The following CDCA5 variants were observed in gnomAD, a reference collection of about 807,000 sequenced individuals.
The protein encoded by CDCA5 is cell division cycle associated 5, also known as sororin.
Under a neutral mutation model 25.7 loss-of-function variants are expected in CDCA5, and 14 were observed. The observed-to-expected ratio is 0.54, with a 90% CI of 0.36 to 0.85. The LOEUF is 0.85. Among genes scored for constraint, CDCA5 ranks in the 40% least tolerant of loss-of-function variants. The pLI is 0.01. For missense variants in CDCA5, 307 were observed against 324.5 expected, an observed-to-expected ratio of 0.95 and a Z score of 0.41; for synonymous variants, 127 against 128.7, an observed-to-expected ratio of 0.99 and a Z score of 0.09.
At chr11:65,077,350 C>T, downstream of CDCA5, 1 of 477,916 alleles carries the variant, frequency 2.1e-6, no homozygotes, top group Non-Finnish European at 2.7e-6. Flanking sequence ...GGAAGCGGGG[C>T]TGGGAGCGCC....
intron 4 of CDCA5, 44 bp downstream of exon 4, chr11:65,083,320 G>A: frequency 6.2e-7 from 1 of 1,610,966 alleles, no homozygotes; most frequent in Non-Finnish European, 8.5e-7. Context: ...CAGCTCTAGA[G>A]TGACCCAGAT....
intron 4 of CDCA5, among the ~76,000 whole-genome samples, chr11:65,080,941 T>A (rs1187058047): frequency 6.6e-6 from 1 of 152,146 alleles, no homozygotes; most frequent in Non-Finnish European, 1.5e-5. Flanking sequence ...GGTCAATACA[T>A]CCCTCACTGA....
At chr11:65,074,738 CAAAAAAAAAAA>C (rs141129265), downstream of CDCA5, among the ~76,000 whole-genome samples, 5 of 38,010 alleles carry the variant, frequency 1.3e-4, no homozygotes, top group East Asian at 1.5e-3. Flanking sequence ...GACCTTGTCT[CAAAAAAAAAAA>C]AAAAAAAAAA....
Position 65,079,179 on chromosome 11 carries a change from C to A in CDCA5, c.687G>T (p.Glu229Asp). Residue 229 changes from glutamate to aspartate, a missense_variant, in exon 6 of 6, where the codon GAG becomes GAT. Glu to Asp is a conservative substitution (Grantham distance 45). Transcript: ENST00000275517. ...KKKMPEILKTELDEWAAAMNA... is the reference protein window; with the variant it reads ...KKKMPEILKTDLDEWAAAMNA... ...TCATGGCCGCAGCCCACTCATCCAG[C>A]TCCGTTTTCTGAGGGAAGAGAAATG... The A allele has an allele frequency of 6.6e-7, 1 of 1,524,716 alleles. No individual in the cohort carries two copies. The highest frequency in any genetic ancestry group is 2.3e-5 in the East Asian group (1 of 44,112). 94.4% of individuals were successfully genotyped at this position (1,524,716 alleles called of 1,614,324 possible).
intron 1 of CDCA5, among the ~76,000 whole-genome samples, chr11:65,070,884 C>T (rs1450639113): frequency 1.3e-5 from 2 of 151,534 alleles, no homozygotes; most frequent in African/African-American, 4.9e-5. Flanking sequence ...ATCCAGAATC[C>T]AAAATGCTAC....
chr11:65,062,792 G>C (rs149410117), downstream of CDCA5, among the ~76,000 whole-genome samples: 1,040 of 152,180 alleles, frequency 6.8e-3, 13 homozygotes, highest in African/African-American at 0.024. Context: ...AAATAAAATT[G>C]CATTCCTCCC....
rs746580955 is a variant in CDCA5, at chr11:65,083,962, G to C, written c.17C>G (p.Thr6Arg). 1.3e-6 allele frequency: 2 copies of C among 1,565,794 alleles called. No individual in the cohort carries two copies. Among genetic ancestry groups the C allele is most frequent in the African/African-American group, 3.2e-5 (2 of 63,416 alleles). The change falls in exon 1 of 6, where the codon ACG becomes AGG. Residue 6 changes from threonine to arginine, a missense_variant. Thr to Arg is a moderately conservative substitution (Grantham distance 71, BLOSUM62 -1). Coordinates refer to ENST00000275517, the MANE Select transcript of CDCA5 (RefSeq NM_080668.4). The part of the protein sequence containing the change: MSGRR[T>R]RSGGAAQRSG... ...GCGCTGAGCGGCTCCTCCGGACCGC[G>C]TTCGCCTCCCAGACATAACTTAGGC... is the stretch of plus-strand genomic sequence containing the variant.
rs1358558055 is a variant in CDCA5, at chr11:65,079,457, G to A, written c.574C>T (p.Pro192Ser). 6.2e-7 allele frequency: 1 copy of A among 1,614,094 alleles called. No homozygotes were observed. The highest frequency in any genetic ancestry group is 8.5e-7 in the Non-Finnish European group (1 of 1,180,002). Reference sequence around the variant, plus strand: ...GCCCAGGGCTTTGCACAAACCCTGGGGACCTCGGTGAGTTTGGAGCACACC... The same window carrying A: ...GCCCAGGGCTTTGCACAAACCCTGGAGACCTCGGTGAGTTTGGAGCACACC... ...PVVCSKLTEVPRVCAKPWAPD... is the reference protein window; with the variant it reads ...PVVCSKLTEVSRVCAKPWAPD... The change falls in exon 5 of 6, where the codon CCC becomes TCC. Residue 192 changes from proline (P) to serine (S), a missense_variant. Transcript: ENST00000275517.
rs192980503 is a variant in CDCA5, at chr11:65,067,573, G to C, written c.368+82C>G. 2.1e-3 allele frequency: 1,663 copies of C among 804,924 alleles called. 26 individuals are homozygous for C. In the African/African-American group the frequency reaches 0.027, roughly 13 times the overall value. The allele number at this position is 804,924 out of a possible 1,614,324, so 49.9% of individuals were successfully genotyped here. A position where few individuals can be genotyped will look rare whatever the true frequency, so the allele number is the denominator to read the frequency against. The stretch of plus-strand genomic sequence containing the variant: ...GAATGCCCGTTCACCAGCCACGTGG[G>C]CCCTGACCTGAAAGCCAGGCCTGGC... On this transcript the variant is annotated intron_variant, in intron 4 of 6. Transcript: ENST00000525464.
Position 65,077,733 on chromosome 11 carries a change from G to A in CDCA5, c.*1374C>T. On this transcript the variant is annotated 3_prime_UTR_variant, in exon 6 of 6. Transcript: ENST00000275517. ...CAGGTCTGACAAACCACAGAGCGTTGAGCAGATGGCCTGGGACTCCCAGAC... is the reference window on the plus strand; with the variant it reads ...CAGGTCTGACAAACCACAGAGCGTTAAGCAGATGGCCTGGGACTCCCAGAC... 1.0e-6 allele frequency: 1 copy of A among 985,600 alleles called. No homozygotes were observed. The highest frequency in any genetic ancestry group is 1.2e-6 in the Non-Finnish European group (1 of 830,040). 61.1% of individuals were successfully genotyped at this position (985,600 alleles called of 1,614,324 possible). A position where few individuals can be genotyped will look rare whatever the true frequency, so the allele number is the denominator to read the frequency against.
chr11:65,071,292 A>T (rs144326760), intron 1 of CDCA5, among the ~76,000 whole-genome samples: 1 of 151,154 alleles, frequency 6.6e-6, no homozygotes, highest in African/African-American at 2.4e-5. Flanking sequence ...GTGGCATGGA[A>T]CATACTTGTA....
chr11:65,081,367 G>A (rs1351449409), intron 4 of CDCA5, among the ~76,000 whole-genome samples: 1 of 151,976 alleles, frequency 6.6e-6, no homozygotes. Flanking sequence ...GGCGGAGGTT[G>A]CAGTGAGCCG....
chr11:65,079,416 G>A lies in CDCA5; in HGVS notation c.615C>T (p.Leu205=). 3 of 1,614,064 alleles carry A rather than the reference G, an allele frequency of 1.9e-6. No individual in the cohort carries two copies. The highest frequency in any genetic ancestry group is 2.5e-6 in the Non-Finnish European group (3 of 1,180,014). ...CAKPWAPDMT[L]PGISPPPEKQ... Reference sequence around the variant, plus strand: ...TCTCGGGTGGTGGGGAGATTCCAGGGAGAGTCATGTCTGGGGCCCAGGGCT... The same window carrying A: ...TCTCGGGTGGTGGGGAGATTCCAGGAAGAGTCATGTCTGGGGCCCAGGGCT... The change falls in exon 5 of 6, where the codon CTC becomes CTT. Residue 205 remains leucine, a synonymous_variant. Transcript: ENST00000275517.
chr11:65,068,214 G>C, intron 2 of CDCA5: 1 of 806,032 alleles, frequency 1.2e-6, no homozygotes, highest in Non-Finnish European at 1.8e-6. Context: ...CCATCTCCCT[G>C]TCTTTCAGGG....
chr11:65,077,927 G>T lies in CDCA5; in HGVS notation c.*1180C>A. 1.0e-6 allele frequency: 1 copy of T among 985,546 alleles called. No homozygotes were observed. The highest frequency in any genetic ancestry group is 1.7e-5 in the African/African-American group (1 of 57,334). The allele number at this position is 985,546 out of a possible 1,614,324, so 61.1% of individuals were successfully genotyped here. A position where few individuals can be genotyped will look rare whatever the true frequency, so the allele number is the denominator to read the frequency against. On this transcript the variant is annotated 3_prime_UTR_variant, in exon 6 of 6. Transcript: ENST00000275517. Reference sequence around the variant, plus strand: ...ATCAAAAGGTACAATGGCCAGGGGTGCGGCAGGAGAGTCGGGGGCAGGGCA... The same window carrying T: ...ATCAAAAGGTACAATGGCCAGGGGTTCGGCAGGAGAGTCGGGGGCAGGGCA...
At position 65,078,961 on chromosome 11, in the gene CDCA5, C is replaced by G; in HGVS notation, c.*146G>C. ...TGGCTGCCGCTGCTGCCCAAGCCCT[C>G]AAAGGCAGACAGTCCTCATGCGCAG... On this transcript the variant is annotated 3_prime_UTR_variant, in exon 6 of 6. Transcript: ENST00000275517. 7.9e-7 allele frequency: 1 copy of G among 1,272,350 alleles called. No individual in the cohort carries two copies. The highest frequency in any genetic ancestry group is 1.5e-5 in the African/African-American group (1 of 65,666). The allele number at this position is 1,272,350 out of a possible 1,614,324, so 78.8% of individuals were successfully genotyped here. A position where few individuals can be genotyped will look rare whatever the true frequency, so the allele number is the denominator to read the frequency against.
chr11:65,083,336 T>C, intron 4 of CDCA5, 28 bp downstream of exon 4: 2 of 1,613,778 alleles, frequency 1.2e-6, no homozygotes, highest in Non-Finnish European at 1.7e-6. Flanking sequence ...CAGATTCTAC[T>C]TAATTAAGTA....
intron 2 of CDCA5, 26 bp downstream of exon 2, chr11:65,083,603 G>A: frequency 1.2e-6 from 2 of 1,614,194 alleles, no homozygotes; most frequent in African/African-American, 1.3e-5. Flanking sequence ...GCCACAAGGG[G>A]AGGAAGTGAG....
At chr11:65,082,970 A>C (rs1324787731) in intron 4 of CDCA5, among the ~76,000 whole-genome samples, 1 of 152,108 alleles carries the variant, frequency 6.6e-6, no homozygotes, top group Non-Finnish European at 1.5e-5. Context: ...TTTCTCAGTC[A>C]GTATGTCTTC....
Sources: gnomAD v4.1 joint callset for allele counts (sites outside exome capture counted in the v4.1 genomes callset) on GRCh38, gnomAD v4.1.1 for gene constraint, MANE v1.5 for transcripts, NCBI Gene and HGNC (gene_info 2026-07-23, HGNC 2026-07-21) for gene names.